The following KIF1A variants were observed in gnomAD, a reference collection of about 807,000 sequenced individuals.
The protein encoded by KIF1A is kinesin-like protein KIF1A.
KIF1A carries 46 observed loss-of-function variants against 227.3 expected under a neutral mutation model. The ratio of observed to expected loss-of-function variants is 0.20; its 90% CI spans 0.16 to 0.26. The LOEUF is 0.26. Among genes scored for constraint, KIF1A ranks in the 10% least tolerant of loss-of-function variants. The pLI is 1.00. For missense variants in KIF1A, 1,683 were observed against 2,485.9 expected, an observed-to-expected ratio of 0.68 and a Z score of 6.87; for synonymous variants, 1,022 against 1,012.8, an observed-to-expected ratio of 1.01 and a Z score of -0.17.
At position 240,721,106 on chromosome 2, in the gene KIF1A, C is replaced by T. The variant is rs2045317640; in HGVS notation, c.4744-68G>A. 22 of 1,584,286 alleles carry T rather than the reference C, an allele frequency of 1.4e-5. No homozygotes were observed. In the Admixed American group the frequency reaches 3.8e-4, roughly 28 times the overall value. On this transcript the variant is annotated intron_variant, in intron 44 of 48. Coordinates refer to ENST00000498729, the MANE Select transcript of KIF1A (RefSeq NM_001244008.2). ...GTCTCCGGCCTCTGTGGGAGCTGCTCCCTGTGCCTGCGCTTACCCCACACC... is the reference window on the plus strand; with the variant it reads ...GTCTCCGGCCTCTGTGGGAGCTGCTTCCTGTGCCTGCGCTTACCCCACACC...
At chr2:240,786,757 A>AGGGGCTGCCATCAGGACCCCTGAGTGAG (rs2054907202) in intron 5 of KIF1A, among the ~76,000 whole-genome samples, 1 of 20,166 alleles carries the variant, frequency 5.0e-5, no homozygotes, top group African/African-American at 2.0e-4. Flanking sequence ...CCTGAGTGAG[A>AGGGGCTGCCATCAGGACCCCTGAGTGAG]GGGTAGGGGC....
chr2:240,780,148 CCT>C (rs1415292698), intron 10 of KIF1A, among the ~76,000 whole-genome samples: 1 of 151,976 alleles, frequency 6.6e-6, no homozygotes, highest in African/African-American at 2.4e-5. Flanking sequence ...CCCCCGAGTC[CCT>C]GACGCAGCGT....
In KIF1A at chr2:240,757,239, C is replaced by T. The variant is rs758046186; in HGVS notation, c.2858+80G>A. The T allele has an allele frequency of 2.4e-5, 34 of 1,394,544 alleles. No individual in the cohort carries two copies. Among genetic ancestry groups the T allele is most frequent in the Non-Finnish European group, 3.1e-5 (32 of 1,016,500 alleles). The allele number at this position is 1,394,544 out of a possible 1,614,324, so 86.4% of individuals were successfully genotyped here. A position where few individuals can be genotyped will look rare whatever the true frequency, so the allele number is the denominator to read the frequency against. On this transcript the variant is annotated intron_variant, in intron 27 of 48. Coordinates refer to ENST00000498729, the MANE Select transcript of KIF1A (RefSeq NM_001244008.2). The surrounding 1 kb of genome is among the most constrained non-coding windows in gnomAD (Gnocchi z 6.2). ...TGGGAGGGCCCGGGCCAGGCCCCAG[C>T]GGTTCCTCTGTGCCCGCAGCAGTGC...
In KIF1A at chr2:240,716,110, A is replaced by G. The variant is rs2044573788; in HGVS notation, c.*1254T>C. 1 of 152,164 alleles carries G rather than the reference A, an allele frequency of 6.6e-6. No individual in the cohort carries two copies. The highest frequency in any genetic ancestry group is 2.1e-4 in the South Asian group (1 of 4,822). 9.4% of individuals were successfully genotyped at this position (152,164 alleles called of 1,614,324 possible). A position where few individuals can be genotyped will look rare whatever the true frequency, so the allele number is the denominator to read the frequency against. On this transcript the variant is annotated 3_prime_UTR_variant, in exon 49 of 49. Coordinates refer to ENST00000498729, the MANE Select transcript of KIF1A (RefSeq NM_001244008.2). ...TGAAATGGGACAAGAACAAAGGGAC[A>G]CCGCAGATGCAGCAGCGAAGAGCTC...
At chr2:240,782,201 C>T (rs1011445709) in intron 10 of KIF1A, 70 of 985,342 alleles carry the variant, frequency 7.1e-5, no homozygotes, top group Non-Finnish European at 8.1e-5. Flanking sequence ...GTCACGCCTA[C>T]GGCTGCTCAG....
At chr2:240,767,048 G>C in intron 18 of KIF1A, 27 bp from the exon 19 acceptor site, 2 of 1,550,118 alleles carry the variant, frequency 1.3e-6, no homozygotes, top group Non-Finnish European at 8.8e-7. Context: ...CCATCAGCAC[G>C]GCAGCTGGGA....
rs369463189 is a variant in KIF1A at position 240,763,117 on chromosome 2, C to T, written c.1950-26G>A. On this transcript the variant is annotated intron_variant, in intron 21 of 48. Transcript: ENST00000498729. The stretch of plus-strand genomic sequence containing the variant: ...CTGCAAGGGGGCATTGGGGTGAGCA[C>T]GGGAGGGCAGGAGGGGCAGCAGGCA... 204 of 1,599,816 alleles carry T rather than the reference C, an allele frequency of 1.3e-4. No individual in the cohort carries two copies. In the African/African-American group the frequency reaches 2.1e-3, roughly 17 times the overall value.
intron 7 of KIF1A, among the ~76,000 whole-genome samples, chr2:240,784,437 C>T (rs891991042): frequency 1.3e-5 from 2 of 152,218 alleles, no homozygotes; most frequent in African/African-American, 4.8e-5. Flanking sequence ...CCAGCTTCAC[C>T]CTCGTCTGTC....
At chr2:240,720,299 A>G in intron 45 of KIF1A, 1 of 173,938 alleles carries the variant, frequency 5.7e-6, no homozygotes, top group Non-Finnish European at 1.2e-5. Flanking sequence ...GGTTCCAAGG[A>G]GCCACTGGAG....
chr2:240,753,090 C>T (rs1440456718), intron 27 of KIF1A, among the ~76,000 whole-genome samples: 1 of 152,220 alleles, frequency 6.6e-6, no homozygotes, highest in African/African-American at 2.4e-5. Flanking sequence ...CCACTCATGG[C>T]ACCACAAAGG....
intron 48 of KIF1A, 62 bp from the exon 49 acceptor site, chr2:240,717,468 C>G: frequency 2.0e-6 from 3 of 1,511,260 alleles, no homozygotes; most frequent in Non-Finnish European, 2.7e-6. Flanking sequence ...CCATATCCAC[C>G]GTGCCCTGCA....
chr2:240,787,226 G>A (rs1428138201), intron 5 of KIF1A, 25 bp downstream of exon 5: 1 of 1,595,370 alleles, frequency 6.3e-7, no homozygotes, highest in South Asian at 1.1e-5. Flanking sequence ...TGCCCCAGCG[G>A]CCAACGGCAG....
At position 240,773,023 on chromosome 2, in the gene KIF1A, T is replaced by C. The variant is rs2052216044; in HGVS notation, c.1180+91A>G. On this transcript the variant is annotated intron_variant, in intron 13 of 48. Coordinates refer to ENST00000498729, the MANE Select transcript of KIF1A (RefSeq NM_001244008.2). ...GCCCAGGGTGCAGCCAGCAAAGTGGTGGCCCCAGGAGAGAGGATGTGATGA... is the reference window on the plus strand; with the variant it reads ...GCCCAGGGTGCAGCCAGCAAAGTGGCGGCCCCAGGAGAGAGGATGTGATGA... The C allele has an allele frequency of 2.9e-6, 4 of 1,370,830 alleles. No individual in the cohort carries two copies. In the African/African-American group the frequency reaches 4.3e-5, roughly 15 times the overall value. The allele number at this position is 1,370,830 out of a possible 1,614,324, so 84.9% of individuals were successfully genotyped here. A position where few individuals can be genotyped will look rare whatever the true frequency, so the allele number is the denominator to read the frequency against.
At position 240,778,162 on chromosome 2, in the gene KIF1A, C is replaced by T. The variant is rs895540222; in HGVS notation, c.883-2236G>A. ...TCCATTCAGGAAAACGGCAGTCACT[C>T]GAATGCGGACCCCACCCACGGGATG... On this transcript the variant is annotated intron_variant, in intron 10 of 48. Coordinates refer to ENST00000498729, the MANE Select transcript of KIF1A (RefSeq NM_001244008.2). This position sits in a 1 kb window ranked among gnomAD's most constrained non-coding sequence, Gnocchi z 7.2. Among the ~76,000 whole-genome samples, 3 of 152,104 alleles carry T rather than the reference C, an allele frequency of 2.0e-5. No individual in the cohort carries two copies. Among genetic ancestry groups the T allele is most frequent in the Non-Finnish European group, 4.4e-5 (3 of 68,020 alleles).
intron 10 of KIF1A, among the ~76,000 whole-genome samples, chr2:240,779,915 C>T (rs1159730694): frequency 2.6e-5 from 4 of 152,210 alleles, no homozygotes; most frequent in Non-Finnish European, 5.9e-5. Flanking sequence ...CTCCCCACGC[C>T]CCACGGTGCT....
intron 42 of KIF1A, among the ~76,000 whole-genome samples, chr2:240,722,917 T>A (rs1257771446): frequency 1.3e-5 from 2 of 152,086 alleles, no homozygotes; most frequent in Non-Finnish European, 2.9e-5. Context: ...GACACATCCA[T>A]CTCACGCGCC....
At position 240,788,800 on chromosome 2, in the gene KIF1A, CCTT is replaced by C. The variant is rs1216185123; in HGVS notation, c.183+433_183+435del. On this transcript the variant is annotated intron_variant, in intron 3 of 48. Transcript: ENST00000498729. This position sits in a 1 kb window ranked among gnomAD's most constrained non-coding sequence, Gnocchi z 6.6. ...GGGGCTTAGATGAGGAGGCTGCATGCCTTCTTCTAGAAGGGTCCAGGAGGTGGC... is the reference window on the plus strand; with the variant it reads ...GGGGCTTAGATGAGGAGGCTGCATGCCTTCTAGAAGGGTCCAGGAGGTGGC... 1.3e-5 allele frequency among the ~76,000 whole-genome samples: 2 copies of C among 152,050 alleles called. No individual in the cohort carries two copies. Among genetic ancestry groups the C allele is most frequent in the African/African-American group, 4.8e-5 (2 of 41,382 alleles).
At chr2:240,741,124 C>T (rs1476492190) in intron 35 of KIF1A, 145 bp downstream of exon 35, 13 of 605,492 alleles carry the variant, frequency 2.1e-5, no homozygotes, top group Admixed American at 5.3e-5. Flanking sequence ...TAGATGAGGC[C>T]GGGCCCACAA....
At chr2:240,717,482 G>T in intron 48 of KIF1A, 76 bp from the exon 49 acceptor site, 1 of 1,398,038 alleles carries the variant, frequency 7.2e-7, no homozygotes, top group Non-Finnish European at 1.0e-6. Context: ...CCCTGCACAG[G>T]CAGGCAGCCG....
Sources: allele counts gnomAD v4.1 joint callset (sites outside exome capture counted in the v4.1 genomes callset), GRCh38; gene constraint gnomAD v4.1.1; non-coding constraint Gnocchi (gnomAD v3.1); transcripts MANE v1.5; gene names NCBI Gene and HGNC (gene_info 2026-07-23, HGNC 2026-07-21).